The following FNDC7 variants were observed in gnomAD, a reference collection of about 807,000 sequenced individuals.
FNDC7 encodes fibronectin type III domain containing 7.
A neutral mutation model predicts 74.2 loss-of-function variants in FNDC7; 66 were observed. The observed-to-expected ratio is 0.89, with a 90% CI of 0.73 to 1.09. The LOEUF is 1.09. FNDC7 is among the 50% of genes least tolerant of loss of function. The pLI is 0.00. For synonymous variants in FNDC7, 307 were observed against 330.2 expected (o/e 0.93, Z 0.76); for missense variants, 829 against 893.4 (o/e 0.93, Z 0.92).
chr1:108,741,916 G>A lies in FNDC7; in HGVS notation c.*38-9G>A. The stretch of plus-strand genomic sequence containing the variant: ...CTTTGTTTAAAATGTTTTCCCATTT[G>A]TCTTGCAGAGTTGTCTCATTTGTTA... On this transcript the variant is annotated splice_polypyrimidine_tract_variant and intron_variant, in intron 12 of 12. Transcript: ENST00000370017. 1 of 1,077,724 alleles carries A rather than the reference G, an allele frequency of 9.3e-7. No homozygotes were observed. Among genetic ancestry groups the A allele is most frequent in the Non-Finnish European group, 1.4e-6 (1 of 716,656 alleles). The allele number at this position is 1,077,724 out of a possible 1,614,324, so 66.8% of individuals were successfully genotyped here. A position where few individuals can be genotyped will look rare whatever the true frequency, so the allele number is the denominator to read the frequency against.
rs760984529 is a variant in FNDC7, at chr1:108,730,674, TGC to T, written c.1626_1627del (p.Pro543MetfsTer41). ...TTCTTTTTCTTTTATCCCATTTAAG[TGC>T]CATGCTGTCCAACCGGTCTGACAGT... On this transcript the variant is annotated frameshift_variant and splice_region_variant, in exon 9 of 13. Coordinates refer to ENST00000370017, the MANE Select transcript of FNDC7 (RefSeq NM_001144937.3). LOFTEE classifies it high-confidence loss of function. 7.1e-6 allele frequency: 11 copies of T among 1,538,492 alleles called. No homozygotes were observed. In the South Asian group the frequency reaches 1.4e-4, roughly 19 times the overall value.
rs1285963470 is a variant in FNDC7 at position 108,717,889 on chromosome 1, G to A, written c.195G>A (p.Gly65=). 5 of 1,551,570 alleles carry A rather than the reference G, an allele frequency of 3.2e-6. No individual in the cohort carries two copies. The East Asian group carries it at 1.2e-4, about 38-fold the overall frequency. ...GTTACCTCCTCACGGCTGAAGACGG[G>A]GACACAGTCATTGAAACCACGGTGG... ...ATSYLLTAED[G]DTVIETTVAN... Residue 65 remains glycine, a synonymous_variant, in exon 3 of 13, where the codon GGG becomes GGA. Coordinates refer to ENST00000370017, the MANE Select transcript of FNDC7 (RefSeq NM_001144937.3).
chr1:108,728,790 C>T lies in FNDC7; in HGVS notation c.1528C>T (p.Arg510Trp), dbSNP rs375721141. The T allele has an allele frequency of 1.7e-5, 28 of 1,614,124 alleles. No individual in the cohort carries two copies. Among genetic ancestry groups the T allele is most frequent in the Middle Eastern group, 1.6e-4 (1 of 6,084 alleles). ...CSSTGESCTM[R>W]GLPCGSVFSV... Reference sequence around the variant, plus strand: ...CAGCACAGGAGAGTCCTGCACCATGCGGGGCTTGCCCTGTGGCTCAGTGTT... The same window carrying T: ...CAGCACAGGAGAGTCCTGCACCATGTGGGGCTTGCCCTGTGGCTCAGTGTT... Residue 510 changes from arginine (R) to tryptophan (W), a missense_variant, in exon 8 of 13, where the codon CGG becomes TGG. Transcript: ENST00000370017.
In FNDC7 at chr1:108,718,007, T is replaced by C. The variant is rs956185052; in HGVS notation, c.313T>C (p.Ser105Pro). Residue 105 changes from serine to proline, a missense_variant, in exon 3 of 13, where the codon TCA becomes CCA. Physicochemically the swap from Ser to Pro is moderately conservative, Grantham distance 74 (BLOSUM62 -1). Transcript: ENST00000370017. ...CAGCGCTGCTGGGAGAAGCCAGGCGTCACCTCCAAAGCAGGCAAAGACAGG... is the reference window on the plus strand; with the variant it reads ...CAGCGCTGCTGGGAGAAGCCAGGCGCCACCTCCAAAGCAGGCAAAGACAGG... ...SISAAGRSQASPPKQAKTVLA... is the reference protein window; with the variant it reads ...SISAAGRSQAPPPKQAKTVLA... The C allele has an allele frequency of 3.9e-6, 6 of 1,551,590 alleles. No homozygotes were observed. In the Admixed American group the frequency reaches 9.8e-5, roughly 25 times the overall value.
At chr1:108,724,999 TC>T (rs1661176708) in intron 5 of FNDC7, among the ~76,000 whole-genome samples, 3 of 151,810 alleles carry the variant, frequency 2.0e-5, no homozygotes, top group Non-Finnish European at 4.4e-5. Flanking sequence ...GGGAATCACT[TC>T]AGCCCAGGAG....
chr1:108,732,916 G>C (rs912479178), intron 9 of FNDC7, among the ~76,000 whole-genome samples: 1 of 150,884 alleles, frequency 6.6e-6, no homozygotes, highest in Admixed American at 6.6e-5. Flanking sequence ...CCACAGGTGT[G>C]CACCACCACA....
chr1:108,741,630 T>C (rs1202953823), intron 11 of FNDC7, 143 bp from the exon 12 acceptor site: 7 of 823,750 alleles, frequency 8.5e-6, no homozygotes, highest in Non-Finnish European at 1.4e-5. Context: ...GTTGTCATAG[T>C]TTCATGTTTA....
At position 108,718,949 on chromosome 1, in the gene FNDC7, A is replaced by G. The variant is rs944365836; in HGVS notation, c.498A>G (p.Thr166=). The G allele has an allele frequency of 2.6e-6, 4 of 1,551,794 alleles. No homozygotes were observed. The East Asian group carries it at 9.8e-5, about 38-fold the overall frequency. Residue 166 remains threonine (T), a synonymous_variant, in exon 4 of 13, where the codon ACA becomes ACG. Coordinates refer to ENST00000370017, the MANE Select transcript of FNDC7 (RefSeq NM_001144937.3). The part of the protein sequence containing the change: ...WKENTTNTSL[T]FTSLEAGTLY... Reference sequence around the variant, plus strand: ...AGAATACTACAAACACCTCCTTGACATTCACCAGTTTAGAAGCCGGAACTC... The same window carrying G: ...AGAATACTACAAACACCTCCTTGACGTTCACCAGTTTAGAAGCCGGAACTC...
chr1:108,714,958 G>A (rs1363319387), intron 2 of FNDC7, among the ~76,000 whole-genome samples: 4 of 152,030 alleles, frequency 2.6e-5, no homozygotes, highest in Non-Finnish European at 5.9e-5. Flanking sequence ...CAAGGTCCTA[G>A]CACACCCAGG....
Position 108,742,110 on chromosome 1 carries a change from G to A in FNDC7, c.*223G>A. ...GGAGATCTGCTATGTGAGGACTCTG[G>A]AGAGAAATGAATCCAGAAAGTCCCC... On this transcript the variant is annotated 3_prime_UTR_variant, in exon 13 of 13. Coordinates refer to ENST00000370017, the MANE Select transcript of FNDC7 (RefSeq NM_001144937.3). 1 of 396,220 alleles carries A rather than the reference G, an allele frequency of 2.5e-6. No individual in the cohort carries two copies. The highest frequency in any genetic ancestry group is 4.5e-6 in the Non-Finnish European group (1 of 220,134). 24.5% of individuals were successfully genotyped at this position (396,220 alleles called of 1,614,324 possible).
intron 2 of FNDC7, among the ~76,000 whole-genome samples, chr1:108,716,112 G>A (rs549447037): frequency 3.3e-5 from 5 of 152,242 alleles, no homozygotes; most frequent in African/African-American, 7.2e-5. Flanking sequence ...AAACTGCTCC[G>A]TGAATGCATG....
At chr1:108,740,066 C>A (rs552480377) in intron 11 of FNDC7, among the ~76,000 whole-genome samples, 1 of 150,294 alleles carries the variant, frequency 6.7e-6, no homozygotes, top group East Asian at 1.9e-4. Context: ...CAAGGCCCTC[C>A]AAAAACAAGA....
intron 6 of FNDC7, 28 bp from the exon 7 acceptor site, chr1:108,727,780 G>A (rs10494096): frequency 0.46 from 736,435 of 1,610,268 alleles, 172,673 homozygotes; most frequent in Non-Finnish European, 0.48. Context: ...TGATGGGACC[G>A]CCATTTTCCC....
rs116788487 is a variant in FNDC7 at position 108,735,269 on chromosome 1, C to T, written c.2140+1737C>T. 9.1e-3 allele frequency among the ~76,000 whole-genome samples: 1,388 copies of T among 152,306 alleles called. 22 individuals carry two copies. Among genetic ancestry groups the T allele is most frequent in the African/African-American group, 0.032 (1,325 of 41,558 alleles). On this transcript the variant is annotated intron_variant, in intron 10 of 12. Transcript: ENST00000370017. Reference sequence around the variant, plus strand: ...GCTACTGCTATGCCTCAGGCCCTCACCACCTCTCCCCTAGACTACTGCACC... The same window carrying T: ...GCTACTGCTATGCCTCAGGCCCTCATCACCTCTCCCCTAGACTACTGCACC...
intron 9 of FNDC7, among the ~76,000 whole-genome samples, chr1:108,731,380 A>C (rs1159146139): frequency 1.3e-5 from 2 of 152,238 alleles, no homozygotes; most frequent in African/African-American, 4.8e-5. Context: ...ACATCTGTCT[A>C]CTGACAGTAT....
In FNDC7 at chr1:108,719,126, G is replaced by A. The variant is rs1419941101; in HGVS notation, c.598+77G>A. 1.5e-5 allele frequency: 23 copies of A among 1,494,340 alleles called. No homozygotes were observed. The South Asian group carries it at 2.4e-4, about 15-fold the overall frequency. The allele number at this position is 1,494,340 out of a possible 1,614,324, so 92.6% of individuals were successfully genotyped here. ...GGGGCTGTGTGTTGCAGCCATCAAG[G>A]GCAGTGTTACATGACAAGTACAGAG... On this transcript the variant is annotated intron_variant, in intron 4 of 12. Coordinates refer to ENST00000370017, the MANE Select transcript of FNDC7 (RefSeq NM_001144937.3).
intron 2 of FNDC7, among the ~76,000 whole-genome samples, chr1:108,714,274 A>G (rs929482894): frequency 2.6e-5 from 4 of 152,252 alleles, no homozygotes; most frequent in Non-Finnish European, 5.9e-5. Flanking sequence ...TTTTGTCTAC[A>G]CCACAGAAAA....
In FNDC7 at chr1:108,734,878, A is replaced by C. The variant is rs182764469; in HGVS notation, c.2140+1346A>C. ...TCACAAATCTCATCAAATGCTCAAA[A>C]TATGCTATGCTATAGGCTCAACATA... On this transcript the variant is annotated intron_variant, in intron 10 of 12. Transcript: ENST00000370017. Among the ~76,000 whole-genome samples, 15 of 152,316 alleles carry C rather than the reference A, an allele frequency of 9.8e-5. No individual in the cohort carries two copies. In the East Asian group the frequency reaches 2.1e-3, roughly 22 times the overall value.
chr1:108,736,577 C>T (rs560300172), intron 10 of FNDC7, among the ~76,000 whole-genome samples: 2 of 152,330 alleles, frequency 1.3e-5, no homozygotes, highest in African/African-American at 4.8e-5. Flanking sequence ...GTTCTTTCTC[C>T]TGCTCCATGC....
Sources: gnomAD v4.1 joint callset for allele counts (sites outside exome capture counted in the v4.1 genomes callset) on GRCh38, gnomAD v4.1.1 for gene constraint, MANE v1.5 for transcripts, NCBI Gene and HGNC (gene_info 2026-07-23, HGNC 2026-07-21) for gene names.